RASAL2: variants seen among roughly 807,000 people sequenced by gnomAD.
RASAL2 encodes RAS protein activator like 2.
Under a neutral mutation model 128.9 loss-of-function variants are expected in RASAL2, and 58 were observed. The observed-to-expected ratio is 0.45, with a 90% confidence interval of 0.36 to 0.56. The LOEUF (loss-of-function observed/expected upper bound fraction) is 0.56, where lower values mean the gene tolerates loss of function less well. RASAL2 is among the 20% of genes least tolerant of loss of function. The pLI is 0.00. For synonymous variants in RASAL2, 561 were observed against 580.8 expected, an observed-to-expected ratio of 0.97 and a Z score of 0.49; for missense variants, 1,360 against 1,601.6, an observed-to-expected ratio of 0.85 and a Z score of 2.57.
intron 3 of RASAL2, among the ~76,000 whole-genome samples, chr1:178,331,213 T>C (rs1335575260): frequency 1.3e-5 from 2 of 152,198 alleles, no homozygotes; most frequent in African/African-American, 4.8e-5. Context: ...GGGGTTTTGC[T>C]CTGTCACCCA....
intron 1 of RASAL2, among the ~76,000 whole-genome samples, chr1:178,141,053 G>C (rs1372549391): frequency 6.6e-6 from 1 of 152,240 alleles, no homozygotes; most frequent in East Asian, 1.9e-4. Flanking sequence ...AAACAGCCAG[G>C]TCTTATGTGA....
At chr1:178,106,841 G>C (rs2102234679) in intron 1 of RASAL2, among the ~76,000 whole-genome samples, 1 of 152,198 alleles carries the variant, frequency 6.6e-6, no homozygotes, top group South Asian at 2.1e-4. Flanking sequence ...TGCATTTTAG[G>C]TTGTAGTTTT....
intron 4 of RASAL2, among the ~76,000 whole-genome samples, chr1:178,407,360 A>G (rs1674061821): frequency 6.6e-6 from 1 of 152,208 alleles, no homozygotes; most frequent in African/African-American, 2.4e-5. Context: ...GTTTTAGTCA[A>G]CATTTAGTGA....
rs142468332 is a variant in RASAL2, at chr1:178,407,693, T to C, written c.565-12818T>C. Among the ~76,000 whole-genome samples, 127 of 152,262 alleles carry C rather than the reference T, an allele frequency of 8.3e-4. 1 individual carries two copies. Among genetic ancestry groups the C allele is most frequent in the African/African-American group, 2.9e-3 (120 of 41,568 alleles). ...GTGTGGTCACTGATGTGAAAAAGTC[T>C]CAAGCAGAATTAAAGCAGGGTTTTG... is the stretch of plus-strand genomic sequence containing the variant. On this transcript the variant is annotated intron_variant, in intron 4 of 17. Coordinates refer to ENST00000367649, the MANE Select transcript of RASAL2 (RefSeq NM_170692.4).
At chr1:178,361,156 A>G (rs1671084161) in intron 3 of RASAL2, among the ~76,000 whole-genome samples, 1 of 152,196 alleles carries the variant, frequency 6.6e-6, no homozygotes, top group African/African-American at 2.4e-5. Context: ...TGCCATTTAA[A>G]CTCATTTAAG....
intron 5 of RASAL2, among the ~76,000 whole-genome samples, chr1:178,424,953 A>T (rs956082519): frequency 4.6e-5 from 7 of 152,244 alleles, no homozygotes; most frequent in African/African-American, 1.7e-4. Context: ...TGTGACAGTT[A>T]TGTACAAGCT....
intron 1 of RASAL2, among the ~76,000 whole-genome samples, chr1:178,239,070 T>G (rs1664383709): frequency 6.6e-6 from 1 of 152,062 alleles, no homozygotes; most frequent in Admixed American, 6.6e-5. Flanking sequence ...TTAAAAAAAT[T>G]TTGCCTCTAA....
chr1:178,353,859 C>T (rs945588488), intron 3 of RASAL2, among the ~76,000 whole-genome samples: 1 of 152,044 alleles, frequency 6.6e-6, no homozygotes, highest in Non-Finnish European at 1.5e-5. Flanking sequence ...GTCCCAGCTG[C>T]TCAGGAGGCT....
chr1:178,351,890 G>A (rs185655290), intron 3 of RASAL2, among the ~76,000 whole-genome samples: 56 of 152,310 alleles, frequency 3.7e-4, no homozygotes, highest in African/African-American at 1.3e-3. Flanking sequence ...AGTGCAGCTC[G>A]CTGCCAGTGC....
rs954174854 is a variant in RASAL2, at chr1:178,167,700, G to C, written c.202+73006G>C. 2.6e-5 allele frequency among the ~76,000 whole-genome samples: 4 copies of C among 152,072 alleles called. No homozygotes were observed. In the East Asian group the frequency reaches 7.7e-4, roughly 29 times the overall value. Reference sequence around the variant, plus strand: ...AGTATTTACATATATTTTATCCATTGATGACTTGCCCAACTTTTTCTTTTC... The same window carrying C: ...AGTATTTACATATATTTTATCCATTCATGACTTGCCCAACTTTTTCTTTTC... On this transcript the variant is annotated intron_variant, in intron 1 of 17. Coordinates refer to ENST00000367649, the MANE Select transcript of RASAL2 (RefSeq NM_170692.4).
chr1:178,454,883 A>G (rs1270984496), intron 12 of RASAL2, among the ~76,000 whole-genome samples: 1 of 152,118 alleles, frequency 6.6e-6, no homozygotes, highest in Non-Finnish European at 1.5e-5. Context: ...AATGGAGTAT[A>G]TTTCTCTAAA....
At chr1:178,206,551 G>C (rs73051463) in intron 1 of RASAL2, among the ~76,000 whole-genome samples, 4,279 of 152,200 alleles carry the variant, frequency 0.028, 79 homozygotes, top group East Asian at 0.088. Flanking sequence ...AACTAATACT[G>C]GGCATAGAAA....
At chr1:178,328,462 A>G (rs1467020683) in intron 3 of RASAL2, among the ~76,000 whole-genome samples, 3 of 152,306 alleles carry the variant, frequency 2.0e-5, no homozygotes, top group African/African-American at 7.2e-5. Flanking sequence ...GACTGTAGTT[A>G]CTTTGTTGTG....
chr1:178,376,184 G>T (rs1020220829), intron 3 of RASAL2, among the ~76,000 whole-genome samples: 1 of 152,094 alleles, frequency 6.6e-6, no homozygotes, highest in African/African-American at 2.4e-5. Context: ...AAAAGCCAAA[G>T]AGAAGTCAGA....
chr1:178,182,722 G>C (rs1210307527), intron 1 of RASAL2, among the ~76,000 whole-genome samples: 1 of 151,874 alleles, frequency 6.6e-6, no homozygotes, highest in Admixed American at 6.6e-5. Context: ...CATGTATACA[G>C]TTCCACTATA....
At chr1:178,113,316 A>C (rs1659402919) in intron 1 of RASAL2, among the ~76,000 whole-genome samples, 1 of 151,696 alleles carries the variant, frequency 6.6e-6, no homozygotes, top group African/African-American at 2.4e-5. Flanking sequence ...ACTACTCTAG[A>C]TCATTTGCAT....
At chr1:178,362,572 G>A (rs535295229) in intron 3 of RASAL2, among the ~76,000 whole-genome samples, 34 of 145,750 alleles carry the variant, frequency 2.3e-4, no homozygotes, top group Non-Finnish European at 4.5e-4. Flanking sequence ...TCCTCATGTT[G>A]TACACTAGAT....
rs570576912 is a variant in RASAL2, at chr1:178,300,036, A to G, written c.375A>G (p.Lys125=). 10 of 1,613,972 alleles carry G rather than the reference A, an allele frequency of 6.2e-6. No individual in the cohort carries two copies. In the African/African-American group the frequency reaches 1.2e-4, roughly 19 times the overall value. Residue 125 remains lysine, a synonymous_variant, in exon 3 of 18, where the codon AAA becomes AAG. Coordinates refer to ENST00000367649, the MANE Select transcript of RASAL2 (RefSeq NM_170692.4). ...GGQEQQTDST[K]GRCLRRTVSV... is the part of the protein sequence containing the mutation. ...AGGAGCAGCAGACAGATTCCACCAA[A>G]GGGCGATGCCTGAGGAGAACTGTCA...
chr1:178,174,745 C>T (rs1661826984), intron 1 of RASAL2, among the ~76,000 whole-genome samples: 1 of 152,144 alleles, frequency 6.6e-6, no homozygotes, highest in African/African-American at 2.4e-5. Context: ...AGTGTTCATG[C>T]ACGAACCCTT....
Sources: gnomAD v4.1 joint callset for allele counts (sites outside exome capture counted in the v4.1 genomes callset) on GRCh38, gnomAD v4.1.1 for gene constraint, MANE v1.5 for transcripts, NCBI Gene and HGNC (gene_info 2026-07-23, HGNC 2026-07-21) for gene names.